The following RAG1 variants were observed in gnomAD, a reference collection of about 807,000 sequenced individuals.
RAG1 encodes recombination activating 1, also known as V(D)J recombination-activating protein 1.
A neutral mutation model predicts 62.7 loss-of-function variants in RAG1; 35 were observed. That is an observed-to-expected ratio of 0.56 (90% confidence interval 0.43 to 0.74). The LOEUF (loss-of-function observed/expected upper bound fraction) is 0.74, where lower values mean the gene tolerates loss of function less well. RAG1 is among the 30% of genes least tolerant of loss of function. The pLI is 0.00. For missense variants in RAG1, 1,169 were observed against 1,278.6 expected (o/e 0.91, Z 1.31); for synonymous variants, 461 against 470.3 (o/e 0.98, Z 0.26).
chr11:36,521,433 G>A (rs956889701), intron 2 of RAG1, among the ~76,000 whole-genome samples: 4 of 152,130 alleles, frequency 2.6e-5, no homozygotes, highest in Non-Finnish European at 5.9e-5. Flanking sequence ...CTCTTCTCTT[G>A]TCTGCTGCCA....
At chr11:36,550,229 T>C (rs1263101660) in intron 3 of RAG1, among the ~76,000 whole-genome samples, 1 of 152,060 alleles carries the variant, frequency 6.6e-6, no homozygotes. Context: ...AACTTGGATG[T>C]CCTGCACATG....
chr11:36,539,767 T>G (rs1016763935), downstream of RAG1, among the ~76,000 whole-genome samples: 1 of 152,194 alleles, frequency 6.6e-6, no homozygotes, highest in South Asian at 2.1e-4. Flanking sequence ...AATAAGCCAT[T>G]GCACCCAGCC....
rs557610378 is a variant in RAG1 at position 36,518,706 on chromosome 11, A to G, written n.331-1426A>G. ...TGGGGTTATTTGGTTTTTTTCTTGT[A>G]AATTTGTTGGAGTTCATTGTAGATT... On this transcript the variant is annotated intron_variant and non_coding_transcript_variant, in intron 1 of 2. Coordinates refer to the RAG1 transcript ENST00000529126. Among the ~76,000 whole-genome samples, 369 of 152,148 alleles carry G rather than the reference A, an allele frequency of 2.4e-3. 2 individuals carry two copies. Among genetic ancestry groups the G allele is most frequent in the Non-Finnish European group, 4.1e-3 (279 of 67,988 alleles).
chr11:36,529,717 C>G (rs139055918), intron 2 of RAG1, among the ~76,000 whole-genome samples: 17,028 of 151,970 alleles, frequency 0.11, 1,012 homozygotes, highest in Non-Finnish European at 0.12. Flanking sequence ...TCTGTTTGCA[C>G]ATGACATGAT....
rs192010558 is a variant in RAG1 at position 36,522,544 on chromosome 11, G to A, written n.428+2315G>A. ...GGCCCTCATGGAGGACTTCTGCTAGGGAAGTGTGGAAAGGCAATGTAGGGT... is the reference window on the plus strand; with the variant it reads ...GGCCCTCATGGAGGACTTCTGCTAGAGAAGTGTGGAAAGGCAATGTAGGGT... On this transcript the variant is annotated intron_variant and non_coding_transcript_variant, in intron 2 of 2. Coordinates refer to the RAG1 transcript ENST00000529126. Among the ~76,000 whole-genome samples the A allele has an allele frequency of 1.3e-4, 20 of 152,374 alleles. No homozygotes were observed. The East Asian group carries it at 3.9e-3, about 29-fold the overall frequency.
chr11:36,527,590 C>T (rs1328001854), intron 2 of RAG1, among the ~76,000 whole-genome samples: 1 of 152,004 alleles, frequency 6.6e-6, no homozygotes, highest in African/African-American at 2.4e-5. Flanking sequence ...TCCATATGAA[C>T]TTTAAAGTAG....
chr11:36,534,761 TA>T (rs1181007342), intron 2 of RAG1, among the ~76,000 whole-genome samples: 1 of 152,198 alleles, frequency 6.6e-6, no homozygotes, highest in Non-Finnish European at 1.5e-5. Flanking sequence ...CTTTCCTTTT[TA>T]AAATTTATTT....
At chr11:36,527,673 G>A (rs1312868422) in intron 2 of RAG1, among the ~76,000 whole-genome samples, 2 of 152,102 alleles carry the variant, frequency 1.3e-5, no homozygotes, top group Non-Finnish European at 2.9e-5. Context: ...ATTACTTTGG[G>A]CAGTATGGCC....
At chr11:36,522,442 G>A (rs1206684556) in intron 2 of RAG1, among the ~76,000 whole-genome samples, 1 of 152,224 alleles carries the variant, frequency 6.6e-6, no homozygotes, top group Non-Finnish European at 1.5e-5. Context: ...AATTGTGGTT[G>A]GAGAACCTCT....
At chr11:36,540,466 A>G (rs1012319539), downstream of RAG1, among the ~76,000 whole-genome samples, 3 of 152,188 alleles carry the variant, frequency 2.0e-5, no homozygotes, top group South Asian at 2.1e-4. Flanking sequence ...GTGCAGTGGC[A>G]TGATCTCGGC....
rs1039071386 is a variant in RAG1 at position 36,514,876 on chromosome 11, G to A, written n.330+3838G>A. On this transcript the variant is annotated intron_variant and non_coding_transcript_variant, in intron 1 of 2. Coordinates refer to the RAG1 transcript ENST00000529126. ...GATTTAAACTAAATACCTGAGTGAT[G>A]GTTTCTGCATGCAAAGATCTTTCAG... 3.3e-5 allele frequency among the ~76,000 whole-genome samples: 5 copies of A among 152,108 alleles called. No individual in the cohort carries two copies. The East Asian group carries it at 9.6e-4, about 29-fold the overall frequency.
chr11:36,548,341 G>C (rs1021060849), intron 3 of RAG1, among the ~76,000 whole-genome samples: 6 of 152,162 alleles, frequency 3.9e-5, no homozygotes, highest in Admixed American at 2.0e-4. Context: ...AATTGTCTCT[G>C]TTTGCAGATG....
At chr11:36,558,557 C>G (rs1850535863) in intron 3 of RAG1, among the ~76,000 whole-genome samples, 1 of 152,110 alleles carries the variant, frequency 6.6e-6, no homozygotes, top group Non-Finnish European at 1.5e-5. Context: ...ATTTAAAAGT[C>G]TATTTTATCT....
Position 36,562,602 on chromosome 11 carries a change from A to G in RAG1, c.-411-783A>G, listed in dbSNP as rs116254509. Among the ~76,000 whole-genome samples, 293 of 152,300 alleles carry G rather than the reference A, an allele frequency of 1.9e-3. 1 individual carries two copies. Among genetic ancestry groups the G allele is most frequent in the Middle Eastern group, 6.8e-3 (2 of 294 alleles). On this transcript the variant is annotated intron_variant and NMD_transcript_variant, in intron 3 of 9. Transcript: ENST00000534663. Reference sequence around the variant, plus strand: ...CCATGATAACCATACTCACTCATTAAGAATGAAGCCCAATGAGTATCTTCC... The same window carrying G: ...CCATGATAACCATACTCACTCATTAGGAATGAAGCCCAATGAGTATCTTCC...
chr11:36,541,482 A>G (rs1207358209), intron 3 of RAG1, among the ~76,000 whole-genome samples: 1 of 152,154 alleles, frequency 6.6e-6, no homozygotes, highest in African/African-American at 2.4e-5. Flanking sequence ...TGGGATGGAG[A>G]AAGTATCTGT....
chr11:36,557,616 C>G (rs887602244), intron 3 of RAG1, among the ~76,000 whole-genome samples: 9 of 152,104 alleles, frequency 5.9e-5, no homozygotes, highest in African/African-American at 2.2e-4. Context: ...TGTTCCTATT[C>G]GGCCATCTTG....
intron 3 of RAG1, among the ~76,000 whole-genome samples, chr11:36,562,371 A>T (rs1850602803): frequency 2.6e-5 from 4 of 152,180 alleles, no homozygotes; most frequent in African/African-American, 9.7e-5. Flanking sequence ...TAACTCACTT[A>T]ATTCTGCCAA....
chr11:36,561,625 A>T (rs1350890536), intron 3 of RAG1, among the ~76,000 whole-genome samples: 1 of 152,180 alleles, frequency 6.6e-6, no homozygotes, highest in Middle Eastern at 3.2e-3. Context: ...TGGAAGAACC[A>T]AATAGAACAA....
At chr11:36,558,195 T>C (rs1217056367) in intron 3 of RAG1, among the ~76,000 whole-genome samples, 1 of 152,200 alleles carries the variant, frequency 6.6e-6, no homozygotes, top group African/African-American at 2.4e-5. Context: ...GCATAACATA[T>C]AATCTATCCT....
Sources: gnomAD v4.1 joint callset for allele counts (sites outside exome capture counted in the v4.1 genomes callset) on GRCh38, gnomAD v4.1.1 for gene constraint, MANE v1.5 for transcripts, NCBI Gene and HGNC (gene_info 2026-07-23, HGNC 2026-07-21) for gene names.